The following ERICH6 variants were observed in gnomAD, a reference collection of about 807,000 sequenced individuals.
ERICH6 encodes glutamate-rich protein 6.
In ERICH6, 71 loss-of-function variants were observed where a neutral mutation model predicts 71.0. The observed-to-expected ratio is 1.00, with a 90% CI of 0.83 to 1.22. ERICH6 has a LOEUF of 1.22. ERICH6 is among the 50% of genes most tolerant of loss of function. The probability of loss-of-function intolerance (pLI) is 0.00; values close to 1 mark genes in which losing one functional copy is unlikely to be tolerated. For missense variants in ERICH6, 808 were observed against 797.2 expected (o/e 1.01, Z -0.16); for synonymous variants, 262 against 278.4 (o/e 0.94, Z 0.59).
intron 7 of ERICH6, among the ~76,000 whole-genome samples, chr3:150,681,829 T>TTTG (rs1711959658): frequency 6.8e-6 from 1 of 147,332 alleles, no homozygotes; most frequent in African/African-American, 2.5e-5. Context: ...TTTTTTTTTT[T>TTTG]TTGGAGACAG....
chr3:150,698,008 G>T (rs1318950082), intron 3 of ERICH6, among the ~76,000 whole-genome samples: 2 of 152,072 alleles, frequency 1.3e-5, no homozygotes, highest in African/African-American at 2.4e-5. Context: ...CTCACCTCCT[G>T]TAGGTCTTTT....
chr3:150,698,755 T>A, intron 3 of ERICH6, 36 bp downstream of exon 3: 1 of 1,541,060 alleles, frequency 6.5e-7, no homozygotes, highest in Non-Finnish European at 9.0e-7. Flanking sequence ...ATGCAATCCC[T>A]CCTCCCAGGA....
At chr3:150,669,200 A>G (rs949454003) in intron 12 of ERICH6, 96 bp downstream of exon 12, 2 of 1,332,120 alleles carry the variant, frequency 1.5e-6, no homozygotes, top group African/African-American at 3.0e-5. Context: ...ACTTAAATAA[A>G]TCTTCTGAAA....
At chr3:150,683,298 T>C (rs1365611256) in intron 6 of ERICH6, among the ~76,000 whole-genome samples, 1 of 152,110 alleles carries the variant, frequency 6.6e-6, no homozygotes, top group Non-Finnish European at 1.5e-5. Context: ...ACTAGAGAGA[T>C]GATGGAGGAA....
rs774168976 is a variant in ERICH6 at position 150,678,561 on chromosome 3, G to A, written c.1112-7C>T. The stretch of plus-strand genomic sequence containing the variant: ...GTTTTTAAGCGCTTTGAATCTAGTG[G>A]GAAAAGAATCACATAGAAATACATA... On this transcript the variant is annotated splice_region_variant and splice_polypyrimidine_tract_variant and intron_variant, in intron 9 of 13. Transcript: ENST00000295910. 3 of 1,581,264 alleles carry A rather than the reference G, an allele frequency of 1.9e-6. No homozygotes were observed. The highest frequency in any genetic ancestry group is 2.0e-5 in the Admixed American group (1 of 50,770).
chr3:150,702,334 T>C (rs1043646164), intron 1 of ERICH6, among the ~76,000 whole-genome samples, 156 bp from the exon 2 acceptor site: 4 of 129,858 alleles, frequency 3.1e-5, no homozygotes, highest in African/African-American at 1.1e-4. Context: ...TGGAGTGCAA[T>C]GGCGCGATCT....
chr3:150,695,496 C>T (rs1712621026), intron 3 of ERICH6, among the ~76,000 whole-genome samples: 1 of 137,418 alleles, frequency 7.3e-6, no homozygotes, highest in Admixed American at 7.4e-5. Flanking sequence ...CCCATCTCTA[C>T]TAAAAAAAAA....
At chr3:150,681,415 G>A (rs1003097682) in intron 7 of ERICH6, among the ~76,000 whole-genome samples, 2 of 152,164 alleles carry the variant, frequency 1.3e-5, no homozygotes, top group Admixed American at 1.3e-4. Flanking sequence ...TCGTGGTATG[G>A]ATATACCACA....
intron 13 of ERICH6, among the ~76,000 whole-genome samples, chr3:150,662,610 AAG>A (rs1439153625): frequency 2.6e-5 from 4 of 152,246 alleles, no homozygotes; most frequent in African/African-American, 7.2e-5. Context: ...TGAAATTAAC[AAG>A]AGAGGGGTAA....
intron 12 of ERICH6, among the ~76,000 whole-genome samples, chr3:150,668,648 G>C (rs1317912152): frequency 1.3e-5 from 2 of 152,146 alleles, no homozygotes; most frequent in African/African-American, 4.8e-5. Context: ...AGATGAGATT[G>C]TTATACCTGT....
chr3:150,681,908 G>A (rs771586739), intron 7 of ERICH6, among the ~76,000 whole-genome samples: 6 of 136,326 alleles, frequency 4.4e-5, no homozygotes, highest in African/African-American at 1.1e-4. Flanking sequence ...TCCGTCTCCC[G>A]GGTTCAAGCA....
chr3:150,702,235 T>G, intron 1 of ERICH6, 57 bp from the exon 2 acceptor site: 3 of 779,932 alleles, frequency 3.8e-6, no homozygotes, highest in Non-Finnish European at 6.1e-6. Context: ...AGGTCAATTC[T>G]ACCCCCCCCA....
chr3:150,661,970 A>G (rs773975616), intron 13 of ERICH6, among the ~76,000 whole-genome samples: 2 of 152,234 alleles, frequency 1.3e-5, no homozygotes, highest in Non-Finnish European at 2.9e-5. Flanking sequence ...GAGAACATAT[A>G]ACTCAAAACT....
chr3:150,660,895 T>C lies in ERICH6; in HGVS notation c.1729-740A>G, dbSNP rs906978973. On this transcript the variant is annotated intron_variant, in intron 13 of 13. Coordinates refer to ENST00000295910, the MANE Select transcript of ERICH6 (RefSeq NM_152394.5). ...TGCAAAGGTGATACTTACAGTATCA[T>C]TTCTGTATTTCACTCCTCCTTCCAT... 4.1e-4 allele frequency among the ~76,000 whole-genome samples: 63 copies of C among 152,232 alleles called. 1 individual carries two copies. The highest frequency in any genetic ancestry group is 1.2e-4 in the Non-Finnish European group (8 of 68,044).
intron 13 of ERICH6, among the ~76,000 whole-genome samples, chr3:150,666,381 G>T (rs559516632): frequency 6.6e-6 from 1 of 152,164 alleles, no homozygotes; most frequent in East Asian, 1.9e-4. Context: ...AGGAGGTCTG[G>T]GAAGTGTCTC....
intron 2 of ERICH6, among the ~76,000 whole-genome samples, chr3:150,700,341 T>A (rs924134510): frequency 2.0e-5 from 3 of 151,158 alleles, no homozygotes; most frequent in African/African-American, 7.3e-5. Context: ...TTTTTATTTA[T>A]TTTTTTATTA....
rs1284815696 is a variant in ERICH6, at chr3:150,680,941, C to G, written c.883-11G>C. On this transcript the variant is annotated splice_polypyrimidine_tract_variant and intron_variant, in intron 7 of 13. Transcript: ENST00000295910. ...AATACAACAGGAGGCCTGGAAAACA[C>G]AGAAGTTACTCTCATCTCATTAGTC... is the stretch of plus-strand genomic sequence containing the variant. The G allele has an allele frequency of 5.6e-6, 9 of 1,602,138 alleles. No individual in the cohort carries two copies. The highest frequency in any genetic ancestry group is 7.7e-6 in the Non-Finnish European group (9 of 1,175,152).
At chr3:150,690,255 G>C (rs1422665169) in intron 3 of ERICH6, among the ~76,000 whole-genome samples, 1 of 152,080 alleles carries the variant, frequency 6.6e-6, no homozygotes, top group African/African-American at 2.4e-5. Context: ...TAGCACACCA[G>C]ACTTTTTCTC....
In ERICH6 at chr3:150,669,388, T is replaced by G; in HGVS notation, c.1407A>C (p.Ile469=). Residue 469 remains isoleucine (I), a synonymous_variant, in exon 12 of 14, where the codon ATA becomes ATC. Coordinates refer to ENST00000295910, the MANE Select transcript of ERICH6 (RefSeq NM_152394.5). ...GGTTAGTGGGCATATCTTCTTGGAC[T>G]ATACAAGTAAAACCATTTACCTTGT... The part of the protein sequence containing the change: ...VPNKVNGFTC[I]VQEDMPTNPA... The G allele has an allele frequency of 6.2e-7, 1 of 1,613,826 alleles. No homozygotes were observed. Among genetic ancestry groups the G allele is most frequent in the Non-Finnish European group, 8.5e-7 (1 of 1,179,890 alleles).
Sources: gnomAD v4.1 joint callset for allele counts (sites outside exome capture counted in the v4.1 genomes callset) on GRCh38, gnomAD v4.1.1 for gene constraint, MANE v1.5 for transcripts, NCBI Gene and HGNC (gene_info 2026-07-23, HGNC 2026-07-21) for gene names.